ROBO1: variants seen among roughly 807,000 people sequenced by gnomAD.
ROBO1 encodes roundabout homolog 1.
Under a neutral mutation model 195.9 loss-of-function variants are expected in ROBO1, and 149 were observed. That is an observed-to-expected ratio of 0.76 (90% CI 0.67 to 0.87). The LOEUF is 0.87. Ranked by LOEUF, ROBO1 falls within the 40% of genes least tolerant of loss-of-function variation. The pLI, the probability that ROBO1 is intolerant of heterozygous loss-of-function variation, is 0.00. For synonymous variants in ROBO1, 816 were observed against 733.2 expected, an observed-to-expected ratio of 1.11 and a Z score of -1.82; for missense variants, 1,933 against 2,068.3, an observed-to-expected ratio of 0.93 and a Z score of 1.27.
At chr3:78,813,068 G>C (rs1027866083) in intron 4 of ROBO1, among the ~76,000 whole-genome samples, 1 of 151,872 alleles carries the variant, frequency 6.6e-6, no homozygotes, top group Non-Finnish European at 1.5e-5. Flanking sequence ...AACTATTCCA[G>C]ATATCGACAT....
chr3:79,555,706 G>A (rs1942674621), intron 2 of ROBO1, among the ~76,000 whole-genome samples: 1 of 152,042 alleles, frequency 6.6e-6, no homozygotes. Flanking sequence ...TAAGATTACT[G>A]CCTATTGCCA....
At chr3:79,262,814 A>G (rs569487957) in intron 2 of ROBO1, among the ~76,000 whole-genome samples, 1 of 152,202 alleles carries the variant, frequency 6.6e-6, no homozygotes, top group East Asian at 1.9e-4. Context: ...CCAAATTGGG[A>G]ATTCCATAGT....
At chr3:79,285,544 C>T (rs887404329) in intron 2 of ROBO1, among the ~76,000 whole-genome samples, 8 of 152,002 alleles carry the variant, frequency 5.3e-5, no homozygotes, top group African/African-American at 4.8e-5. Context: ...TCCAGAGGCA[C>T]GAAAGAAGTC....
rs1346112459 is a variant in ROBO1 at position 78,617,926 on chromosome 3, C to T, written c.3991G>A (p.Glu1331Lys). Residue 1331 changes from glutamate to lysine, a missense_variant, in exon 27 of 31, where the codon GAA becomes AAA. Physicochemically the swap from Glu to Lys is moderately conservative, Grantham distance 56. Coordinates refer to ENST00000464233, the MANE Select transcript of ROBO1 (RefSeq NM_002941.4). ...GCTACCTCCATGTCGGCTTCGTCTT[C>T]TTCCTCTTCTGGCGCATCCGTATCC... ...DMDTDAPEEE[E>K]DEADMEVAKM... The T allele has an allele frequency of 6.2e-7, 1 of 1,614,014 alleles. No homozygotes were observed. The highest frequency in any genetic ancestry group is 8.5e-7 in the Non-Finnish European group (1 of 1,179,890).
chr3:78,758,453 G>A (rs1865860), intron 4 of ROBO1, among the ~76,000 whole-genome samples: 1 of 147,810 alleles, frequency 6.8e-6, no homozygotes. Flanking sequence ...GAGCCCAGAG[G>A]TCAAGAAGGC....
intron 3 of ROBO1, among the ~76,000 whole-genome samples, chr3:78,963,854 A>T (rs1335935500): frequency 2.0e-5 from 3 of 152,086 alleles, no homozygotes; most frequent in Non-Finnish European, 2.9e-5. Context: ...ATATACAACA[A>T]ATTTTAAAAT....
intron 4 of ROBO1, among the ~76,000 whole-genome samples, chr3:78,842,690 CAGGT>C (rs1400613907): frequency 1.1e-4 from 16 of 149,810 alleles, no homozygotes; most frequent in African/African-American, 3.4e-4. Flanking sequence ...ATTGATATAT[CAGGT>C]AGGCAAAAAA....
intron 2 of ROBO1, among the ~76,000 whole-genome samples, chr3:79,514,528 A>G (rs1014967374): frequency 1.1e-4 from 16 of 152,130 alleles, no homozygotes; most frequent in East Asian, 3.8e-4. Flanking sequence ...CTGGGGTCCA[A>G]TGCATTTTTA....
chr3:78,959,597 G>A (rs1389148817), intron 3 of ROBO1, among the ~76,000 whole-genome samples: 2 of 152,124 alleles, frequency 1.3e-5, no homozygotes, highest in East Asian at 3.9e-4. Context: ...AAAATTTATA[G>A]CATTTATGGG....
In ROBO1 at chr3:79,551,980, T is replaced by TAA. The variant is rs771824432; in HGVS notation, c.88+37842_88+37843dup. ...CTGTCCTTTGATCTCTCTACAGAGT[T>TAA]AAAAAAAAAAAAAAAAAAAAAAAAA... On this transcript the variant is annotated intron_variant, in intron 2 of 30. Transcript: ENST00000464233. Among the ~76,000 whole-genome samples the TAA allele has an allele frequency of 4.1e-3, 180 of 44,242 alleles. 15 individuals are homozygous for TAA. The highest frequency in any genetic ancestry group is 0.019 in the East Asian group (21 of 1,126). 29.0% of individuals were successfully genotyped at this position (44,242 alleles called of 152,430 possible).
intron 5 of ROBO1, 47 bp downstream of exon 5, chr3:78,746,696 C>T: frequency 1.5e-6 from 2 of 1,339,930 alleles, no homozygotes; most frequent in Non-Finnish European, 1.9e-6. Context: ...TAAAGATACA[C>T]ACAGTTAGAC....
intron 2 of ROBO1, among the ~76,000 whole-genome samples, chr3:79,174,048 G>A (rs905017750): frequency 2.6e-5 from 4 of 152,064 alleles, no homozygotes; most frequent in Admixed American, 1.3e-4. Context: ...TCTGTAAAAT[G>A]GACCAATCAG....
chr3:78,831,653 T>A (rs1356642394), intron 4 of ROBO1, among the ~76,000 whole-genome samples: 1 of 152,206 alleles, frequency 6.6e-6, no homozygotes, highest in Non-Finnish European at 1.5e-5. Flanking sequence ...TGGTATTGTA[T>A]TTGTCTGTTA....
intron 8 of ROBO1, among the ~76,000 whole-genome samples, chr3:78,702,821 TCATGG>T (rs1254156030): frequency 8.4e-4 from 128 of 152,274 alleles, no homozygotes; most frequent in Middle Eastern, 3.4e-3. Context: ...ACTCAGACCA[TCATGG>T]AAGGCCTATG....
chr3:79,470,642 G>A (rs1559922513), intron 2 of ROBO1, among the ~76,000 whole-genome samples: 1 of 152,072 alleles, frequency 6.6e-6, no homozygotes. Flanking sequence ...TAATCATGGG[G>A]GCAGTTTCCC....
chr3:79,182,544 T>G (rs996061253), intron 2 of ROBO1, among the ~76,000 whole-genome samples: 2 of 115,104 alleles, frequency 1.7e-5, no homozygotes, highest in Non-Finnish European at 3.3e-5. Context: ...GGGGCACAGG[T>G]GTGTGTGTGT....
intron 1 of ROBO1, among the ~76,000 whole-genome samples, chr3:79,608,561 A>G (rs1262071378): frequency 2.6e-5 from 4 of 152,010 alleles, no homozygotes; most frequent in African/African-American, 9.7e-5. Flanking sequence ...AACGTGGGTT[A>G]AAAGGAATAA....
At position 78,598,761 on chromosome 3, in the gene ROBO1, T is replaced by C. The variant is rs879589051; in HGVS notation, c.*152A>G. The C allele has an allele frequency of 2.0e-6, 1 of 495,532 alleles. No individual in the cohort carries two copies. Among genetic ancestry groups the C allele is most frequent in the Non-Finnish European group, 3.6e-6 (1 of 275,844 alleles). 30.7% of individuals were successfully genotyped at this position (495,532 alleles called of 1,614,324 possible). A position where few individuals can be genotyped will look rare whatever the true frequency, so the allele number is the denominator to read the frequency against. ...CAACAACAATAAAAACCCAATAAAG[T>C]TTTTAAAATGATATCCCAATAAGAG... On this transcript the variant is annotated 3_prime_UTR_variant, in exon 31 of 31. Transcript: ENST00000464233.
chr3:79,456,767 A>C (rs1002934177), intron 2 of ROBO1, among the ~76,000 whole-genome samples: 3 of 152,126 alleles, frequency 2.0e-5, no homozygotes. Context: ...AGCGACTTTT[A>C]ATATAAATTT....
Sources: allele counts gnomAD v4.1 joint callset (sites outside exome capture counted in the v4.1 genomes callset), GRCh38; gene constraint gnomAD v4.1.1; transcripts MANE v1.5; gene names NCBI Gene and HGNC (gene_info 2026-07-23, HGNC 2026-07-21).